AMMECR1: variants seen among roughly 807,000 people sequenced by gnomAD.
The protein encoded by AMMECR1 is nuclear protein AMMECR1.
Under a neutral mutation model 22.5 loss-of-function variants are expected in AMMECR1, and 3 were observed. That is an observed-to-expected ratio of 0.13 (90% CI 0.06 to 0.35). The LOEUF (loss-of-function observed/expected upper bound fraction) is 0.35, where lower values mean the gene tolerates loss of function less well. Ranked by LOEUF, AMMECR1 falls within the 10% of genes least tolerant of loss-of-function variation. The pLI is 1.00. For synonymous variants in AMMECR1, 130 were observed against 116.7 expected, an observed-to-expected ratio of 1.11 and a Z score of -0.74; for missense variants, 235 against 278.7, an observed-to-expected ratio of 0.84 and a Z score of 1.12.
At chrX:110,286,392 G>T (rs989933584) in intron 1 of AMMECR1, among the ~76,000 whole-genome samples, 1 of 110,743 alleles carries the variant, frequency 9.0e-6, no homozygotes, top group Non-Finnish European at 1.9e-5. Context: ...AGCATGGGCC[G>T]GGCGTAATGG....
At position 110,301,285 on chromosome X, in the gene AMMECR1, T is replaced by C. The variant is rs748524466; in HGVS notation, c.473+16314A>G. Among the ~76,000 whole-genome samples the C allele has an allele frequency of 3.5e-5, 4 of 112,818 alleles. No homozygotes were observed. In the East Asian group the frequency reaches 1.1e-3, roughly 31 times the overall value. On this transcript the variant is annotated intron_variant, in intron 1 of 5. Coordinates refer to ENST00000262844, the MANE Select transcript of AMMECR1 (RefSeq NM_015365.3). ...ATGTTTTGAACCAAGAGATCTTTCA[T>C]CCTTTGCCAAAGGGCCCTGTGTTGG...
intron 4 of AMMECR1, among the ~76,000 whole-genome samples, chrX:110,201,780 A>G (rs2067398139): frequency 8.9e-6 from 1 of 111,833 alleles, no homozygotes; most frequent in Non-Finnish European, 1.9e-5. Context: ...ATGAGAAGAA[A>G]AGCTCCCCAA....
chrX:110,265,280 G>A (rs2067762278), intron 1 of AMMECR1, among the ~76,000 whole-genome samples: 1 of 111,724 alleles, frequency 9.0e-6, no homozygotes. Context: ...ACTTCATCAA[G>A]CTTGACATTC....
intron 2 of AMMECR1, among the ~76,000 whole-genome samples, chrX:110,253,230 T>A (rs946476737): frequency 8.9e-6 from 1 of 112,606 alleles, no homozygotes; most frequent in Non-Finnish European, 1.9e-5. Flanking sequence ...GAGTGAAATA[T>A]ATGTTTTTTA....
intron 2 of AMMECR1, among the ~76,000 whole-genome samples, chrX:110,373,716 G>A (rs757384740): frequency 8.9e-6 from 1 of 111,774 alleles, no homozygotes; most frequent in Non-Finnish European, 1.9e-5. Flanking sequence ...TTAAAATGTT[G>A]TATGTTTGAA....
chrX:110,411,984 T>C (rs753942050), intron 2 of AMMECR1, among the ~76,000 whole-genome samples: 23 of 112,565 alleles, frequency 2.0e-4, no homozygotes, highest in African/African-American at 7.1e-4. Flanking sequence ...TAATGAACAA[T>C]TCACTAGAAA....
At chrX:110,419,105 T>C (rs1278271299) in intron 2 of AMMECR1, 1 of 112,345 alleles carries the variant, frequency 8.9e-6, no homozygotes, top group Non-Finnish European at 1.9e-5. Flanking sequence ...CTACAACATA[T>C]GGAGCGCCTA....
chrX:110,345,698 C>G (rs1288837028), intron 2 of AMMECR1, among the ~76,000 whole-genome samples: 1 of 109,756 alleles, frequency 9.1e-6, no homozygotes, highest in Non-Finnish European at 1.9e-5. Flanking sequence ...AGCTAACAAG[C>G]CTGCCCATGT....
chrX:110,395,948 C>T (rs1211433927), intron 2 of AMMECR1, among the ~76,000 whole-genome samples: 2 of 111,940 alleles, frequency 1.8e-5, no homozygotes, highest in Non-Finnish European at 3.8e-5. Flanking sequence ...TATGGAAGAA[C>T]TTATCAGACA....
intron 2 of AMMECR1, among the ~76,000 whole-genome samples, chrX:110,245,454 T>C (rs2067653890): frequency 9.0e-6 from 1 of 111,249 alleles, no homozygotes; most frequent in Non-Finnish European, 1.9e-5. Flanking sequence ...TAGACACTTA[T>C]TGTATAGTAT....
In AMMECR1 at chrX:110,237,462, T is replaced by C. The variant is rs1042264580; in HGVS notation, c.585-20830A>G. Among the ~76,000 whole-genome samples, 21 of 110,953 alleles carry C rather than the reference T, an allele frequency of 1.9e-4. 1 individual carries two copies. The highest frequency in any genetic ancestry group is 3.8e-5 in the Non-Finnish European group (2 of 52,994). ...AGGGAAAATGGGTGGAAATGGTGCA[T>C]GCCTCGTGGGGCTGTCAGGGTATTT... On this transcript the variant is annotated intron_variant, in intron 2 of 5. Transcript: ENST00000262844.
Position 110,204,819 on chromosome X carries a change from A to C in AMMECR1, c.700-2283T>G, listed in dbSNP as rs1052350485. Reference sequence around the variant, plus strand: ...TTGGCCAAAACAAAAATTACTCACGAATAAGACTGCTTTATTTACTCTGCA... The same window carrying C: ...TTGGCCAAAACAAAAATTACTCACGCATAAGACTGCTTTATTTACTCTGCA... On this transcript the variant is annotated intron_variant, in intron 3 of 5. Coordinates refer to ENST00000262844, the MANE Select transcript of AMMECR1 (RefSeq NM_015365.3). 2.7e-5 allele frequency among the ~76,000 whole-genome samples: 3 copies of C among 111,767 alleles called. No individual in the cohort carries two copies. The Admixed American group carries it at 2.8e-4, about 11-fold the overall frequency.
intron 1 of AMMECR1, among the ~76,000 whole-genome samples, chrX:110,313,930 A>G (rs1384365111): frequency 9.0e-6 from 1 of 111,647 alleles, no homozygotes; most frequent in Non-Finnish European, 1.9e-5. Context: ...CAGGTCCTCA[A>G]TTCTCTCTCC....
intron 2 of AMMECR1, among the ~76,000 whole-genome samples, chrX:110,252,777 C>T (rs760997303): frequency 8.9e-6 from 1 of 112,592 alleles, no homozygotes; most frequent in South Asian, 3.6e-4. Context: ...AGGAATATTA[C>T]AGCAGTCCTT....
At chrX:110,350,310 A>T (rs1369217044) in intron 2 of AMMECR1, among the ~76,000 whole-genome samples, 1 of 111,688 alleles carries the variant, frequency 9.0e-6, no homozygotes, top group Non-Finnish European at 1.9e-5. Context: ...CAACCTGATA[A>T]AAAGCACCTA....
intron 2 of AMMECR1, among the ~76,000 whole-genome samples, chrX:110,218,184 C>T (rs1212808338): frequency 9.0e-6 from 1 of 111,022 alleles, no homozygotes; most frequent in Non-Finnish European, 1.9e-5. Context: ...TGTGTAACCA[C>T]CCGCATCCCC....
chrX:110,433,063 G>A (rs899096267), intron 1 of AMMECR1, among the ~76,000 whole-genome samples: 2 of 112,530 alleles, frequency 1.8e-5, no homozygotes, highest in South Asian at 3.6e-4. Flanking sequence ...GGCTGCTCCC[G>A]GGTGGCTCCA....
At chrX:110,337,443 T>C (rs2068145470) in intron 2 of AMMECR1, among the ~76,000 whole-genome samples, 1 of 111,830 alleles carries the variant, frequency 8.9e-6, no homozygotes, top group Non-Finnish European at 1.9e-5. Context: ...GGTTTGTTTT[T>C]TCAGGTATAA....
intron 1 of AMMECR1, among the ~76,000 whole-genome samples, chrX:110,280,250 T>A (rs1459430136): frequency 9.0e-6 from 1 of 111,219 alleles, no homozygotes; most frequent in East Asian, 2.8e-4. Flanking sequence ...GCATTGTGGC[T>A]CCAGAGTCAA....
Sources: allele counts gnomAD v4.1 joint callset (sites outside exome capture counted in the v4.1 genomes callset), GRCh38; gene constraint gnomAD v4.1.1; transcripts MANE v1.5; gene names NCBI Gene and HGNC (gene_info 2026-07-23, HGNC 2026-07-21).